Variants in PLXNA4 observed in about 807,000 individuals in gnomAD.
The protein encoded by PLXNA4 is plexin A4, also known as plexin-A4.
In PLXNA4, 44 loss-of-function variants were observed where a neutral mutation model predicts 191.8. The observed-to-expected ratio is 0.23, with a 90% confidence interval of 0.18 to 0.29. The LOEUF (loss-of-function observed/expected upper bound fraction) is 0.29. Among genes scored for constraint, PLXNA4 ranks in the 10% least tolerant of loss-of-function variants. PLXNA4 has a pLI of 1.00. For synonymous variants in PLXNA4, 1,082 were observed against 1,009.5 expected, an observed-to-expected ratio of 1.07 and a Z score of -1.36; for missense variants, 1,800 against 2,488.8, an observed-to-expected ratio of 0.72 and a Z score of 5.89.
chr7:132,267,607 T>C (rs1286674316), intron 4 of PLXNA4, among the ~76,000 whole-genome samples: 1 of 152,162 alleles, frequency 6.6e-6, no homozygotes, highest in Non-Finnish European at 1.5e-5. Flanking sequence ...CATCATCTCA[T>C]GGTATTTAGA....
intron 2 of PLXNA4, among the ~76,000 whole-genome samples, chr7:132,587,577 T>A (rs756735901): frequency 6.6e-6 from 1 of 152,166 alleles, no homozygotes; most frequent in Admixed American, 6.5e-5. Flanking sequence ...TATGGTGCCA[T>A]AAGCTTTGCA....
intron 3 of PLXNA4, among the ~76,000 whole-genome samples, chr7:132,342,672 C>A (rs1228458790): frequency 6.6e-6 from 1 of 152,110 alleles, no homozygotes; most frequent in African/African-American, 2.4e-5. Flanking sequence ...CGAGGCCAGG[C>A]ATGGTGGCTC....
rs1370549590 is a variant in PLXNA4, at chr7:132,330,063, G to A, written c.1372-31841C>T. On this transcript the variant is annotated intron_variant, in intron 3 of 31. Transcript: ENST00000321063. Reference sequence around the variant, plus strand: ...GCCACGGACATGCAGGAGGCAAGGGGAGGAGCACAGGGCAGATTTCCCTGG... The same window carrying A: ...GCCACGGACATGCAGGAGGCAAGGGAAGGAGCACAGGGCAGATTTCCCTGG... Among the ~76,000 whole-genome samples the A allele has an allele frequency of 2.6e-5, 4 of 152,228 alleles. No homozygotes were observed. In the South Asian group the frequency reaches 6.2e-4, roughly 24 times the overall value.
At chr7:132,384,925 C>T (rs1805058128) in intron 3 of PLXNA4, 2 of 1,279,326 alleles carry the variant, frequency 1.6e-6, no homozygotes, top group African/African-American at 3.0e-5. Context: ...GATAACACCA[C>T]AAGAGTCAAA....
At chr7:132,391,469 G>T (rs1805408949) in intron 3 of PLXNA4, among the ~76,000 whole-genome samples, 1 of 152,246 alleles carries the variant, frequency 6.6e-6, no homozygotes. Context: ...GGATAGTGCA[G>T]GATCCTGGGG....
chr7:132,138,028 A>T (rs1323969313), intron 30 of PLXNA4, among the ~76,000 whole-genome samples: 1 of 152,070 alleles, frequency 6.6e-6, no homozygotes, highest in African/African-American at 2.4e-5. Context: ...TGAAAAGATG[A>T]GTGGGAGGGT....
intron 3 of PLXNA4, among the ~76,000 whole-genome samples, chr7:132,433,108 T>G (rs1051788023): frequency 7.9e-5 from 12 of 152,220 alleles, no homozygotes; most frequent in Admixed American, 7.9e-4. Context: ...CTAAAGCACT[T>G]GACTGCGTTG....
At chr7:132,606,954 C>G (rs1802937285) in intron 2 of PLXNA4, among the ~76,000 whole-genome samples, 1 of 152,162 alleles carries the variant, frequency 6.6e-6, no homozygotes, top group South Asian at 2.1e-4. Context: ...CACACAGTCC[C>G]CTGAGCCTTC....
intron 16 of PLXNA4, among the ~76,000 whole-genome samples, chr7:132,183,047 A>G (rs1338317934): frequency 6.6e-6 from 1 of 152,222 alleles, no homozygotes; most frequent in Non-Finnish European, 1.5e-5. Context: ...ATCTTCGAGA[A>G]GAATCCTGCT....
Position 132,253,806 on chromosome 7 carries a change from CAT to C in PLXNA4, c.1504-12642_1504-12641del, listed in dbSNP as rs1392990840. Among the ~76,000 whole-genome samples the C allele has an allele frequency of 2.6e-5, 4 of 152,356 alleles. No homozygotes were observed. In the East Asian group the frequency reaches 7.7e-4, roughly 29 times the overall value. Reference sequence around the variant, plus strand: ...GAAAACCCACACCAATTCCACCCAACATGGAGAAGACTCCATCTCTCCACAGA... The same window carrying C: ...GAAAACCCACACCAATTCCACCCAACGGAGAAGACTCCATCTCTCCACAGA... On this transcript the variant is annotated intron_variant, in intron 4 of 31. Coordinates refer to ENST00000321063, the MANE Select transcript of PLXNA4 (RefSeq NM_020911.2).
At chr7:132,183,235 G>C (rs142132262) in intron 16 of PLXNA4, among the ~76,000 whole-genome samples, 1 of 152,308 alleles carries the variant, frequency 6.6e-6, no homozygotes, top group Non-Finnish European at 1.5e-5. Context: ...TGCACACACA[G>C]TGTAAGATTC....
chr7:132,146,434 C>T, intron 28 of PLXNA4, 76 bp downstream of exon 28: 9 of 1,613,114 alleles, frequency 5.6e-6, no homozygotes, highest in Admixed American at 1.7e-5. Context: ...ACTGGCTACT[C>T]TGGCATTTCT....
chr7:132,441,133 G>A (rs1266392458), intron 3 of PLXNA4, among the ~76,000 whole-genome samples: 2 of 152,134 alleles, frequency 1.3e-5, no homozygotes, highest in Non-Finnish European at 2.9e-5. Context: ...TCACAACTTT[G>A]CATGGTGAGC....
intron 21 of PLXNA4, among the ~76,000 whole-genome samples, chr7:132,172,046 A>G (rs1404087748): frequency 6.6e-6 from 1 of 151,974 alleles, no homozygotes; most frequent in East Asian, 1.9e-4. Context: ...GGAGGTAGGA[A>G]TTTTCTCCCC....
intron 2 of PLXNA4, among the ~76,000 whole-genome samples, chr7:132,587,224 G>A (rs972111605): frequency 6.6e-6 from 1 of 152,186 alleles, no homozygotes; most frequent in Non-Finnish European, 1.5e-5. Flanking sequence ...TCAGCTTTGA[G>A]AAGTAAGGCT....
At chr7:132,325,480 G>T (rs938364619) in intron 3 of PLXNA4, among the ~76,000 whole-genome samples, 2 of 152,170 alleles carry the variant, frequency 1.3e-5, no homozygotes, top group African/African-American at 4.8e-5. Context: ...CTTGGAAATA[G>T]AATATTTGCA....
chr7:132,380,650 A>C (rs547249420), intron 3 of PLXNA4, among the ~76,000 whole-genome samples: 2 of 152,192 alleles, frequency 1.3e-5, no homozygotes, highest in Non-Finnish European at 2.9e-5. Flanking sequence ...AGGACGATTT[A>C]AAGTATCAGG....
At chr7:132,274,958 G>A (rs1800217542) in intron 4 of PLXNA4, among the ~76,000 whole-genome samples, 2 of 151,770 alleles carry the variant, frequency 1.3e-5, no homozygotes, top group Non-Finnish European at 2.9e-5. Context: ...TGTTACTGAT[G>A]ATATTAACTT....
chr7:132,369,679 G>T (rs1804346780), intron 3 of PLXNA4, among the ~76,000 whole-genome samples: 1 of 152,030 alleles, frequency 6.6e-6, no homozygotes, highest in South Asian at 2.1e-4. Flanking sequence ...TGAACAAAGA[G>T]CTCATCAAAG....
Sources: allele counts gnomAD v4.1 joint callset (sites outside exome capture counted in the v4.1 genomes callset), GRCh38; gene constraint gnomAD v4.1.1; transcripts MANE v1.5; gene names NCBI Gene and HGNC (gene_info 2026-07-23, HGNC 2026-07-21).